Variants in TOGARAM1 observed in about 807,000 individuals in gnomAD.
TOGARAM1 encodes the protein TOG array regulator of axonemal microtubules 1, also known as TOG array regulator of axonemal microtubules protein 1.
In TOGARAM1, 100 loss-of-function variants were observed where a neutral mutation model predicts 166.6. That is an observed-to-expected ratio of 0.60 (90% CI 0.51 to 0.71). TOGARAM1 has a LOEUF of 0.71. Among genes scored for constraint, TOGARAM1 ranks in the 30% least tolerant of loss-of-function variants. The pLI, the probability that TOGARAM1 is intolerant of heterozygous loss-of-function variation, is 0.00. For missense variants in TOGARAM1, 2,029 were observed against 2,102.7 expected (o/e 0.96, Z 0.69); for synonymous variants, 758 against 763.8 (o/e 0.99, Z 0.13).
intron 6 of TOGARAM1, among the ~76,000 whole-genome samples, chr14:45,009,879 A>G (rs1398894728): frequency 1.3e-5 from 2 of 152,180 alleles, no homozygotes; most frequent in Non-Finnish European, 2.9e-5. Flanking sequence ...AAACCTAGTA[A>G]TAGAATTGAT....
intron 11 of TOGARAM1, among the ~76,000 whole-genome samples, chr14:45,033,651 T>C (rs1406203916): frequency 1.3e-5 from 2 of 152,220 alleles, no homozygotes; most frequent in Non-Finnish European, 2.9e-5. Context: ...TTCATAAATG[T>C]ATATCTGTAT....
chr14:45,071,563 A>C, intron 18 of TOGARAM1, 149 bp from the exon 19 acceptor site: 1 of 498,144 alleles, frequency 2.0e-6, no homozygotes, highest in Non-Finnish European at 3.5e-6. Flanking sequence ...TTTTATAGAA[A>C]ATTTTAAATA....
At chr14:45,071,482 T>G (rs1883377900) in intron 18 of TOGARAM1, among the ~76,000 whole-genome samples, 3 of 151,432 alleles carry the variant, frequency 2.0e-5, no homozygotes, top group African/African-American at 7.3e-5. Flanking sequence ...CTCAGACTCC[T>G]GGGCTCAAAT....
Position 45,066,727 on chromosome 14 carries a change from C to T in TOGARAM1, c.4709C>T (p.Thr1570Ile), listed in dbSNP as rs1883154784. Residue 1570 changes from threonine to isoleucine, a missense_variant, in exon 17 of 20, where the codon ACA (threonine) becomes ATA (isoleucine). Thr to Ile is a moderately conservative substitution (Grantham distance 89). This residue lies in a region of TOGARAM1 where 576 missense variants were observed against 670.5 expected (regional missense o/e 0.86). Transcript: ENST00000361462. The stretch of plus-strand genomic sequence containing the variant: ...GGGATTAAGCAGCTTTTATCAGATA[C>T]AGAAAATAATCAAGACCTTGTTGTT... ...INGIKQLLSD[T>I]ENNQDLVVGN... is the part of the protein sequence containing the mutation. 6.2e-7 allele frequency: 1 copy of T among 1,613,038 alleles called. No individual in the cohort carries two copies. The highest frequency in any genetic ancestry group is 8.5e-7 in the Non-Finnish European group (1 of 1,179,408).
intron 7 of TOGARAM1, 33 bp downstream of exon 7, chr14:45,012,108 A>G: frequency 7.5e-7 from 1 of 1,334,930 alleles, no homozygotes; most frequent in Non-Finnish European, 1.0e-6. Context: ...AATAATTTAT[A>G]AAATATGATT....
intron 1 of TOGARAM1, among the ~76,000 whole-genome samples, chr14:44,982,063 G>A (rs185850542): frequency 6.6e-6 from 1 of 152,068 alleles, no homozygotes; most frequent in Admixed American, 6.6e-5. Context: ...GGCTGGTCTT[G>A]AACTCCTGGC....
intron 18 of TOGARAM1, among the ~76,000 whole-genome samples, chr14:45,069,646 G>T (rs1883290604): frequency 6.6e-6 from 1 of 152,114 alleles, no homozygotes. Flanking sequence ...TCCGGGAAAT[G>T]CATATGCAAG....
chr14:44,999,225 C>T (rs1594638903), intron 2 of TOGARAM1, 138 bp from the exon 3 acceptor site: 1 of 744,452 alleles, frequency 1.3e-6, no homozygotes. Flanking sequence ...GTATCCCTTT[C>T]TTGCCTGCCT....
intron 1 of TOGARAM1, among the ~76,000 whole-genome samples, chr14:44,992,230 T>C (rs1887182865): frequency 6.6e-6 from 1 of 152,086 alleles, no homozygotes; most frequent in South Asian, 2.1e-4. Context: ...TCACAGCTAT[T>C]TTTTCTAAAG....
At chr14:45,057,479 T>G (rs1055612683) in intron 16 of TOGARAM1, among the ~76,000 whole-genome samples, 2 of 152,150 alleles carry the variant, frequency 1.3e-5, no homozygotes, top group Non-Finnish European at 2.9e-5. Flanking sequence ...TAGGGTGAAG[T>G]GTAGTGGCAT....
At chr14:45,008,137 T>G (rs1006457732) in intron 5 of TOGARAM1, 4 of 152,210 alleles carry the variant, frequency 2.6e-5, no homozygotes, top group African/African-American at 9.6e-5. Context: ...GAATCAAATG[T>G]AAACAAAACA....
rs1885388328 is a variant in TOGARAM1, at chr14:44,964,216, G to A, written c.1795G>A (p.Gly599Ser). 1 of 1,614,162 alleles carries A rather than the reference G, an allele frequency of 6.2e-7. No individual in the cohort carries two copies. Among genetic ancestry groups the A allele is most frequent in the Non-Finnish European group, 8.5e-7 (1 of 1,180,040 alleles). The change falls in exon 1 of 20, where the codon GGT (glycine) becomes AGT (serine). Residue 599 changes from glycine (G) to serine (S), a missense_variant. Gly to Ser is a moderately conservative substitution (Grantham distance 56). This residue lies in a region of TOGARAM1 where 1,453 missense variants were observed against 1,432.2 expected (regional missense o/e 1.01). Coordinates refer to ENST00000361462, the MANE Select transcript of TOGARAM1 (RefSeq NM_001308120.2). ...AGTACTGATGCCATCTTCTGCCGGG[G>A]GTAGGTCAAACCATTTGGCACATGG... Reference protein sequence around the residue: ...YAVLMPSSAGGRSNHLAHGAD... With the variant: ...YAVLMPSSAGSRSNHLAHGAD...
intron 1 of TOGARAM1, among the ~76,000 whole-genome samples, chr14:44,970,474 A>G (rs569338807): frequency 4.1e-4 from 63 of 152,300 alleles, no homozygotes; most frequent in African/African-American, 5.8e-4. Flanking sequence ...TATGCAGACA[A>G]TCATGTCATC....
chr14:45,052,940 C>T (rs1471161124), intron 15 of TOGARAM1, among the ~76,000 whole-genome samples: 2 of 151,992 alleles, frequency 1.3e-5, no homozygotes, highest in East Asian at 3.9e-4. Flanking sequence ...CATGTTTAGT[C>T]CCTGCTTTAT....
chr14:45,032,101 A>C (rs1276797636), intron 10 of TOGARAM1, 122 bp from the exon 11 acceptor site: 1 of 771,464 alleles, frequency 1.3e-6, no homozygotes, highest in Non-Finnish European at 2.0e-6. Flanking sequence ...TGGAGGTTGC[A>C]GTGAGCTAAG....
intron 1 of TOGARAM1, among the ~76,000 whole-genome samples, chr14:44,964,687 CAT>C (rs35428986): frequency 0.046 from 7,020 of 152,102 alleles, 527 homozygotes; most frequent in African/African-American, 0.16. Flanking sequence ...ATTTGAGACA[CAT>C]GTGATATAGA....
intron 11 of TOGARAM1, 42 bp from the exon 12 acceptor site, chr14:45,043,644 G>A (rs1161895325): frequency 9.5e-7 from 1 of 1,056,754 alleles, no homozygotes; most frequent in Non-Finnish European, 1.5e-6. Flanking sequence ...TTCCAGTTGA[G>A]TCCCATTTAA....
chr14:45,045,581 A>ATGTG (rs1881982700), intron 13 of TOGARAM1, among the ~76,000 whole-genome samples: 5 of 33,158 alleles, frequency 1.5e-4, no homozygotes, highest in African/African-American at 2.4e-4. Context: ...ATATATATAT[A>ATGTG]TATGTGTGTG....
Position 44,963,688 on chromosome 14 carries a change from A to G in TOGARAM1, c.1267A>G (p.Ile423Val), listed in dbSNP as rs1239122739. The change falls in exon 1 of 20, where the codon ATT becomes GTT. Residue 423 changes from isoleucine (I) to valine (V), a missense_variant. Transcript: ENST00000361462. ...ACTTGAAGTCCTGCATTTACTGGTT[A>G]TTCGCCTTGGAGAGCAGGTACAGCA... ...GTLEVLHLLVIRLGEQVQQFL... is the reference protein window; with the variant it reads ...GTLEVLHLLVVRLGEQVQQFL... 2.5e-6 allele frequency: 4 copies of G among 1,613,788 alleles called. No homozygotes were observed. Among genetic ancestry groups the G allele is most frequent in the Non-Finnish European group, 3.4e-6 (4 of 1,180,022 alleles).
Sources: gnomAD v4.1 joint callset for allele counts (sites outside exome capture counted in the v4.1 genomes callset) on GRCh38, gnomAD v4.1.1 for gene constraint, gnomAD v4.1.1 regional missense constraint, MANE v1.5 for transcripts, NCBI Gene and HGNC (gene_info 2026-07-23, HGNC 2026-07-21) for gene names.